MUC21: variants seen among roughly 807,000 people sequenced by gnomAD.
MUC21 encodes the protein mucin-21.
A neutral mutation model predicts 9.1 loss-of-function variants in MUC21; 8 were observed. That is an observed-to-expected ratio of 0.88 (90% CI 0.52 to 1.59). MUC21 has a LOEUF of 1.59. Ranked by LOEUF, MUC21 falls within the 40% of genes most tolerant of loss-of-function variation. MUC21 has a pLI of 0.00. For synonymous variants in MUC21, 189 were observed against 275.2 expected, an observed-to-expected ratio of 0.69 and a Z score of 3.10; for missense variants, 478 against 694.2, an observed-to-expected ratio of 0.69 and a Z score of 3.50.
chr6:30,987,781 G>A lies in MUC21; in HGVS notation c.1506+100G>A, dbSNP rs563650396. On this transcript the variant is annotated intron_variant, in intron 2 of 2. Transcript: ENST00000376296. ...GGGGTCTCAAGTCAGGGGTGGGTAG[G>A]GAGGAAGGGAGATCAGGAAAGAGTA... is the stretch of plus-strand genomic sequence containing the variant. 1.3e-4 allele frequency: 196 copies of A among 1,510,306 alleles called. 2 individuals are homozygous for A. The South Asian group carries it at 2.3e-3, about 18-fold the overall frequency. 93.6% of individuals were successfully genotyped at this position (1,510,306 alleles called of 1,614,324 possible). A position where few individuals can be genotyped will look rare whatever the true frequency, so the allele number is the denominator to read the frequency against.
At position 30,983,985 on chromosome 6, in the gene MUC21, C is replaced by G; in HGVS notation, c.27C>G (p.Leu9=). The G allele has an allele frequency of 1.3e-6, 1 of 779,806 alleles. No homozygotes were observed. Among genetic ancestry groups the G allele is most frequent in the Non-Finnish European group, 2.4e-6 (1 of 418,068 alleles). 48.3% of individuals were successfully genotyped at this position (779,806 alleles called of 1,614,324 possible). A position where few individuals can be genotyped will look rare whatever the true frequency, so the allele number is the denominator to read the frequency against. MKMQKGNV[L]LMFGLLLHLE... The stretch of plus-strand genomic sequence containing the variant: ...TGAAGATGCAGAAAGGAAATGTTCT[C>G]CTTATGTTTGGTCTACTATTGCATT... The change falls in exon 1 of 3, where the codon CTC becomes CTG. Residue 9 remains leucine, a synonymous_variant. Transcript: ENST00000376296.
Position 30,986,686 on chromosome 6 carries a change from A to G in MUC21, c.511A>G (p.Ser171Gly). The G allele has an allele frequency of 6.3e-7, 1 of 1,583,954 alleles. No individual in the cohort carries two copies. The highest frequency in any genetic ancestry group is 1.1e-5 in the South Asian group (1 of 90,388). The part of the protein sequence containing the change: ...EASTATNSES[S>G]TTSSGASTAT... ...CAGCACAGCCACCAACTCTGAGTCCAGCACAACCTCCAGTGGGGCCAGCAC... is the reference window on the plus strand; with the variant it reads ...CAGCACAGCCACCAACTCTGAGTCCGGCACAACCTCCAGTGGGGCCAGCAC... The change falls in exon 2 of 3, where the codon AGC becomes GGC. Residue 171 changes from serine to glycine, a missense_variant. By Grantham distance (56) the Ser-to-Gly change is moderately conservative. Coordinates refer to ENST00000376296, the MANE Select transcript of MUC21 (RefSeq NM_001010909.5).
chr6:30,983,723 A>C lies in MUC21; in HGVS notation c.-236A>C. On this transcript the variant is annotated 5_prime_UTR_variant, in exon 1 of 3. Coordinates refer to ENST00000376296, the MANE Select transcript of MUC21 (RefSeq NM_001010909.5). Reference sequence around the variant, plus strand: ...CCCTGCAGCTCTTTCACAACAGAGAAAGAGGCAACTACATTGCCTGGAGGA... The same window carrying C: ...CCCTGCAGCTCTTTCACAACAGAGACAGAGGCAACTACATTGCCTGGAGGA... 1 of 463,902 alleles carries C rather than the reference A, an allele frequency of 2.2e-6. No homozygotes were observed. 28.7% of individuals were successfully genotyped at this position (463,902 alleles called of 1,614,324 possible).
At chr6:30,984,550 C>T (rs113920050) in intron 1 of MUC21, among the ~76,000 whole-genome samples, 3,736 of 152,210 alleles carry the variant, frequency 0.025, 152 homozygotes, top group African/African-American at 0.084. Context: ...TGTCCCTGTA[C>T]TCCCAGCTAC....
In MUC21 at chr6:30,988,234, G is replaced by C; in HGVS notation, c.*40G>C. On this transcript the variant is annotated 3_prime_UTR_variant, in exon 3 of 3. Coordinates refer to ENST00000376296, the MANE Select transcript of MUC21 (RefSeq NM_001010909.5). The stretch of plus-strand genomic sequence containing the variant: ...AAGTGCCGCATTCTTCAGGAAGGAA[G>C]AGACCTGGGCACCCAAGACCTGGTT... 1 of 1,568,986 alleles carries C rather than the reference G, an allele frequency of 6.4e-7. No homozygotes were observed.
intron 2 of MUC21, 146 bp from the exon 3 acceptor site, chr6:30,987,854 G>A: frequency 2.5e-6 from 3 of 1,195,328 alleles, no homozygotes; most frequent in Non-Finnish European, 3.5e-6. Context: ...TGACCTGCGG[G>A]AAAAGGGGGC....
Position 30,987,228 on chromosome 6 carries a change from C to G in MUC21, c.1053C>G (p.Ser351Arg). 1 of 1,591,902 alleles carries G rather than the reference C, an allele frequency of 6.3e-7. No individual in the cohort carries two copies. The highest frequency in any genetic ancestry group is 8.6e-7 in the Non-Finnish European group (1 of 1,166,466). ...GCACAGCCACCAACTCTGAGTCCAGCACAACCTCCAGTGGGGCCAGCACAG... is the reference window on the plus strand; with the variant it reads ...GCACAGCCACCAACTCTGAGTCCAGGACAACCTCCAGTGGGGCCAGCACAG... The part of the protein sequence containing the change: ...GASTATNSES[S>R]TTSSGASTAT... The change falls in exon 2 of 3, where the codon AGC (serine) becomes AGG (arginine). Residue 351 changes from serine to arginine, a missense_variant. This residue lies in a region of MUC21 where 155 missense variants were observed against 235.2 expected (regional missense o/e 0.66). Transcript: ENST00000376296.
Position 30,986,393 on chromosome 6 carries a change from G to C in MUC21, c.218G>C (p.Ser73Thr), listed in dbSNP as rs763727676. ...SGSSVTSNGV[S>T]IVTNSEFHTT... is the part of the protein sequence containing the mutation. ...TCCAGCGTGACCTCCAATGGGGTCA[G>C]CATAGTCACCAACTCTGAGTTCCAT... is the stretch of plus-strand genomic sequence containing the variant. The change falls in exon 2 of 3, where the codon AGC (serine) becomes ACC (threonine). Residue 73 changes from serine to threonine, a missense_variant. Coordinates refer to ENST00000376296, the MANE Select transcript of MUC21 (RefSeq NM_001010909.5). The C allele has an allele frequency of 2.0e-5, 32 of 1,612,562 alleles. No homozygotes were observed. The highest frequency in any genetic ancestry group is 2.5e-5 in the Non-Finnish European group (30 of 1,179,332).
chr6:30,984,955 G>A (rs967020161), intron 1 of MUC21, among the ~76,000 whole-genome samples: 1 of 150,656 alleles, frequency 6.6e-6, no homozygotes, highest in Non-Finnish European at 1.5e-5. Flanking sequence ...AGCCTGGGCG[G>A]CAGAGCAAGA....
rs529169210 is a variant in MUC21 at position 30,988,115 on chromosome 6, G to C, written c.1622G>C (p.Arg541Thr). ...GGNHGAPHRP[R>T]WSPNWFWRRP... Reference sequence around the variant, plus strand: ...AATCATGGAGCCCCCCACAGGCCCAGGTGGAGTCCTAACTGGTTCTGGAGG... The same window carrying C: ...AATCATGGAGCCCCCCACAGGCCCACGTGGAGTCCTAACTGGTTCTGGAGG... Residue 541 changes from arginine (R) to threonine (T), a missense_variant, in exon 3 of 3, where the codon AGG becomes ACG. Arg to Thr is a moderately conservative substitution (Grantham distance 71). Around this residue, in one of 5 missense-constraint regions of MUC21, gnomAD observed 158 missense variants for 192.6 expected, o/e 0.82. Coordinates refer to ENST00000376296, the MANE Select transcript of MUC21 (RefSeq NM_001010909.5). The C allele has an allele frequency of 2.4e-4, 386 of 1,612,992 alleles. 6 individuals are homozygous for C. The South Asian group carries it at 3.7e-3, about 16-fold the overall frequency.
At chr6:30,984,069 G>C (rs761511369) in intron 1 of MUC21, 50 bp downstream of exon 1, 1 of 776,334 alleles carries the variant, frequency 1.3e-6, no homozygotes, top group Non-Finnish European at 2.4e-6. Context: ...TTGAGGAGTT[G>C]GGAGAGAAAT....
chr6:30,986,045 G>A (rs1373610751), intron 1 of MUC21, among the ~76,000 whole-genome samples, 192 bp from the exon 2 acceptor site: 17 of 152,170 alleles, frequency 1.1e-4, no homozygotes, highest in African/African-American at 2.9e-4. Context: ...GATTACAGGC[G>A]TGAGCCACCG....
In MUC21 at chr6:30,987,230, C is replaced by T. The variant is rs145907263; in HGVS notation, c.1055C>T (p.Thr352Ile). ...ASTATNSESS[T>I]TSSGASTATN... Reference sequence around the variant, plus strand: ...ACAGCCACCAACTCTGAGTCCAGCACAACCTCCAGTGGGGCCAGCACAGCC... The same window carrying T: ...ACAGCCACCAACTCTGAGTCCAGCATAACCTCCAGTGGGGCCAGCACAGCC... The change falls in exon 2 of 3, where the codon ACA (threonine) becomes ATA (isoleucine). Residue 352 changes from threonine (T) to isoleucine (I), a missense_variant. Coordinates refer to ENST00000376296, the MANE Select transcript of MUC21 (RefSeq NM_001010909.5). 217 of 1,590,524 alleles carry T rather than the reference C, an allele frequency of 1.4e-4. 6 individuals are homozygous for T. The African/African-American group carries it at 2.6e-3, about 19-fold the overall frequency.
chr6:30,987,690 C>A lies in MUC21; in HGVS notation c.1506+9C>A. On this transcript the variant is annotated intron_variant, in intron 2 of 2. Coordinates refer to ENST00000376296, the MANE Select transcript of MUC21 (RefSeq NM_001010909.5). ...GGCTCTTCTTCTGTGTGGTGAGTGCCTAATATGTAAGAAAATGCCTGGGGG... is the reference window on the plus strand; with the variant it reads ...GGCTCTTCTTCTGTGTGGTGAGTGCATAATATGTAAGAAAATGCCTGGGGG... 3 of 1,608,958 alleles carry A rather than the reference C, an allele frequency of 1.9e-6. No homozygotes were observed. Among genetic ancestry groups the A allele is most frequent in the Non-Finnish European group, 2.5e-6 (3 of 1,178,152 alleles).
rs1241894929 is a variant in MUC21, at chr6:30,983,857, CA to C, written c.-101del. 5.8e-6 allele frequency: 4 copies of C among 686,376 alleles called. No homozygotes were observed. The African/African-American group carries it at 7.2e-5, about 12-fold the overall frequency. 42.5% of individuals were successfully genotyped at this position (686,376 alleles called of 1,614,324 possible). The stretch of plus-strand genomic sequence containing the variant: ...CTGGAAGCACCAGCCTTTATCTCTT[CA>C]CCTTCAAGTCCCCTTTCTCAAGAAT... On this transcript the variant is annotated 5_prime_UTR_variant, in exon 1 of 3. Transcript: ENST00000376296.
chr6:30,987,459 C>A lies in MUC21; in HGVS notation c.1284C>A (p.Thr428=), dbSNP rs757039347. The A allele has an allele frequency of 6.2e-7, 1 of 1,610,520 alleles. No individual in the cohort carries two copies. The highest frequency in any genetic ancestry group is 1.3e-5 in the African/African-American group (1 of 74,848). ...CCACCAATTCTGAGTCCAGCACAAC[C>A]TCCAGTGGGGCCAACACAGCCACCA... is the stretch of plus-strand genomic sequence containing the variant. The part of the protein sequence containing the change: ...STATNSESST[T]SSGANTATNS... Residue 428 remains threonine, a synonymous_variant, in exon 2 of 3, where the codon ACC becomes ACA. Transcript: ENST00000376296.
At chr6:30,985,263 T>G (rs995965479) in intron 1 of MUC21, among the ~76,000 whole-genome samples, 1 of 152,170 alleles carries the variant, frequency 6.6e-6, no homozygotes, top group African/African-American at 2.4e-5. Flanking sequence ...TGGGAGCTCT[T>G]ATGTATTTGA....
Position 30,988,452 on chromosome 6 carries a change from G to C in MUC21, c.*258G>C. ...AGAAGCTGTGCGTGCCCCGGGGTGG[G>C]TATCTAGCTCTGAGATGAACTCAGT... is the stretch of plus-strand genomic sequence containing the variant. On this transcript the variant is annotated 3_prime_UTR_variant, in exon 3 of 3. Coordinates refer to ENST00000376296, the MANE Select transcript of MUC21 (RefSeq NM_001010909.5). The C allele has an allele frequency of 2.2e-6, 1 of 445,966 alleles. No individual in the cohort carries two copies. Among genetic ancestry groups the C allele is most frequent in the Non-Finnish European group, 3.9e-6 (1 of 255,836 alleles). The allele number at this position is 445,966 out of a possible 1,614,324, so 27.6% of individuals were successfully genotyped here.
chr6:30,987,581 CGA>C lies in MUC21; in HGVS notation c.1407_1408del (p.Lys470AlafsTer43), dbSNP rs769675475. On this transcript the variant is annotated frameshift_variant, in exon 2 of 3. Coordinates refer to ENST00000376296, the MANE Select transcript of MUC21 (RefSeq NM_001010909.5). LOFTEE classifies it high-confidence loss of function. ...AGTGCATCTACTGCAGTGAGTGAGG[CGA>C]AGCCTGGTGGGTCCCTGGTGCCGTG... 22 of 1,614,120 alleles carry C rather than the reference CGA, an allele frequency of 1.4e-5. No homozygotes were observed. Among genetic ancestry groups the C allele is most frequent in the Non-Finnish European group, 1.8e-5 (21 of 1,180,046 alleles).
Sources: allele counts gnomAD v4.1 joint callset (sites outside exome capture counted in the v4.1 genomes callset), GRCh38; gene constraint gnomAD v4.1.1; regional missense constraint gnomAD v4.1.1; transcripts MANE v1.5; gene names NCBI Gene and HGNC (gene_info 2026-07-23, HGNC 2026-07-21).